The following C8orf34 variants were observed in gnomAD, a reference collection of about 807,000 sequenced individuals.
The protein encoded by C8orf34 is chromosome 8 open reading frame 34.
Under a neutral mutation model 68.3 loss-of-function variants are expected in C8orf34, and 65 were observed. The ratio of observed to expected loss-of-function variants is 0.95; its 90% CI spans 0.78 to 1.17. The LOEUF (loss-of-function observed/expected upper bound fraction) is 1.17, where lower values mean the gene tolerates loss of function less well. Ranked by LOEUF, C8orf34 falls within the 50% of genes most tolerant of loss-of-function variation. The pLI is 0.00. For missense variants in C8orf34, 664 were observed against 655.4 expected (o/e 1.01, Z -0.14); for synonymous variants, 244 against 241.2 (o/e 1.01, Z -0.11).
intron 7 of C8orf34, among the ~76,000 whole-genome samples, chr8:68,563,108 A>G (rs1816483581): frequency 1.3e-5 from 2 of 152,208 alleles, no homozygotes; most frequent in Non-Finnish European, 1.5e-5. Context: ...ACCTCCTAAT[A>G]TTACTAACAC....
intron 10 of C8orf34, among the ~76,000 whole-genome samples, chr8:68,767,489 C>T (rs1823213271): frequency 6.6e-6 from 1 of 152,166 alleles, no homozygotes; most frequent in African/African-American, 2.4e-5. Context: ...GACATTTGAC[C>T]TGTAATATTT....
At chr8:68,625,638 A>G (rs978798016) in intron 7 of C8orf34, 2 of 701,846 alleles carry the variant, frequency 2.8e-6, no homozygotes, top group Non-Finnish European at 5.2e-6. Flanking sequence ...TGTGGCTTGC[A>G]TCTCAGCGGT....
intron 7 of C8orf34, among the ~76,000 whole-genome samples, chr8:68,550,914 TC>T (rs986899020): frequency 1.3e-5 from 2 of 151,418 alleles, no homozygotes; most frequent in South Asian, 2.1e-4. Flanking sequence ...TTGTTCTGCT[TC>T]CCCCCCTCTG....
In C8orf34 at chr8:68,463,814, G is replaced by A. The variant is rs190059242; in HGVS notation, c.608-4878G>A. Among the ~76,000 whole-genome samples the A allele has an allele frequency of 4.0e-3, 615 of 152,250 alleles. 7 individuals carry two copies. Among genetic ancestry groups the A allele is most frequent in the African/African-American group, 0.014 (580 of 41,542 alleles). On this transcript the variant is annotated intron_variant, in intron 3 of 13. Transcript: ENST00000518698. The stretch of plus-strand genomic sequence containing the variant: ...TCTCAAAATAATAAGAGCTATTTAT[G>A]ACAAACCCACAGCTGATATCATACT...
At chr8:68,462,169 C>G (rs1359218745) in intron 3 of C8orf34, among the ~76,000 whole-genome samples, 1 of 151,874 alleles carries the variant, frequency 6.6e-6, no homozygotes, top group Admixed American at 6.6e-5. Context: ...GACTTTAAAC[C>G]AACAAAGATC....
intron 7 of C8orf34, among the ~76,000 whole-genome samples, chr8:68,549,564 T>G (rs947016630): frequency 2.0e-5 from 3 of 151,676 alleles, no homozygotes; most frequent in Non-Finnish European, 3.0e-5. Flanking sequence ...ACATTTTACT[T>G]CTAAAAAATA....
At chr8:68,788,814 G>C (rs934596722) in intron 12 of C8orf34, among the ~76,000 whole-genome samples, 1 of 151,776 alleles carries the variant, frequency 6.6e-6, no homozygotes, top group Non-Finnish European at 1.5e-5. Context: ...AGCCGAGATC[G>C]CGCCACTGCA....
chr8:68,556,146 T>G (rs931888346), intron 7 of C8orf34, among the ~76,000 whole-genome samples: 3 of 151,828 alleles, frequency 2.0e-5, no homozygotes, highest in Non-Finnish European at 2.9e-5. Flanking sequence ...TGTCACCTCA[T>G]TTTTGAAAAA....
At chr8:68,769,439 T>G (rs1823277516) in intron 10 of C8orf34, among the ~76,000 whole-genome samples, 1 of 152,078 alleles carries the variant, frequency 6.6e-6, no homozygotes, top group Admixed American at 6.6e-5. Flanking sequence ...TCTTTTCATA[T>G]TTTAGTATTA....
At chr8:68,725,961 T>C (rs926475415) in intron 10 of C8orf34, among the ~76,000 whole-genome samples, 4 of 152,218 alleles carry the variant, frequency 2.6e-5, no homozygotes, top group East Asian at 1.9e-4. Flanking sequence ...CAAGCTGGAG[T>C]GCAGTGGTGT....
In C8orf34 at chr8:68,517,992, T is replaced by C. The variant is rs1313956104; in HGVS notation, c.766-3807T>C. Among the ~76,000 whole-genome samples the C allele has an allele frequency of 2.6e-5, 4 of 152,218 alleles. No homozygotes were observed. In the East Asian group the frequency reaches 5.8e-4, roughly 22 times the overall value. Reference sequence around the variant, plus strand: ...GTTTCTCTGCCCTTATTGACTACCATGTATCTATTCTTACTCAATTTGTCC... The same window carrying C: ...GTTTCTCTGCCCTTATTGACTACCACGTATCTATTCTTACTCAATTTGTCC... On this transcript the variant is annotated intron_variant, in intron 5 of 13. Coordinates refer to ENST00000518698, the MANE Select transcript of C8orf34 (RefSeq NM_052958.4).
At chr8:68,805,877 TTTA>T (rs1317464018) in intron 12 of C8orf34, among the ~76,000 whole-genome samples, 2 of 152,086 alleles carry the variant, frequency 1.3e-5, no homozygotes, top group Admixed American at 1.3e-4. Flanking sequence ...TACTTTATAC[TTTA>T]TATTTTATTT....
chr8:68,723,948 A>G (rs1427003180), intron 10 of C8orf34, among the ~76,000 whole-genome samples: 1 of 152,060 alleles, frequency 6.6e-6, no homozygotes, highest in African/African-American at 2.4e-5. Flanking sequence ...GTTTGTTTTT[A>G]TTTACATTCA....
intron 5 of C8orf34, among the ~76,000 whole-genome samples, chr8:68,496,199 G>T (rs1332047645): frequency 1.3e-5 from 2 of 152,216 alleles, no homozygotes; most frequent in Non-Finnish European, 2.9e-5. Context: ...AAATATATAT[G>T]AGACCATGTA....
intron 10 of C8orf34, among the ~76,000 whole-genome samples, chr8:68,724,241 T>G (rs962295540): frequency 2.6e-5 from 4 of 152,164 alleles, no homozygotes; most frequent in African/African-American, 7.2e-5. Context: ...AGAAGAAAAT[T>G]GTGATTTTAT....
intron 7 of C8orf34, among the ~76,000 whole-genome samples, chr8:68,586,840 C>T (rs1227481190): frequency 6.6e-6 from 1 of 152,100 alleles, no homozygotes; most frequent in Non-Finnish European, 1.5e-5. Context: ...AGTCAGCAAG[C>T]TATAGCCCAA....
intron 4 of C8orf34, among the ~76,000 whole-genome samples, chr8:68,479,882 C>T (rs993823386): frequency 5.3e-5 from 8 of 152,194 alleles, no homozygotes; most frequent in African/African-American, 1.4e-4. Context: ...AGCAAACTCT[C>T]GCCCATGGGC....
intron 10 of C8orf34, among the ~76,000 whole-genome samples, chr8:68,774,327 G>GTATATACATATATATATATATATA (rs1332535200): frequency 1.0e-5 from 1 of 96,050 alleles, no homozygotes; most frequent in South Asian, 2.8e-4. Flanking sequence ...ATATGGGTGT[G>GTATATACATATATATATATATATA]TGTGTATATA....
Position 68,672,609 on chromosome 8 carries a change from A to C in C8orf34, c.1241+32098A>C, listed in dbSNP as rs367946361. Among the ~76,000 whole-genome samples the C allele has an allele frequency of 3.0e-4, 45 of 152,292 alleles. 3 individuals carry two copies. The East Asian group carries it at 4.3e-3, about 14-fold the overall frequency. On this transcript the variant is annotated intron_variant, in intron 8 of 13. Transcript: ENST00000518698. ...TAGAGGGAAATCACTCATACCAGCT[A>C]TCAGAACCTGAGTTCCAGCAAGCCT...
Sources: gnomAD v4.1 joint callset for allele counts (sites outside exome capture counted in the v4.1 genomes callset) on GRCh38, gnomAD v4.1.1 for gene constraint, MANE v1.5 for transcripts, NCBI Gene and HGNC (gene_info 2026-07-23, HGNC 2026-07-21) for gene names.